Variants in JMY observed in about 807,000 individuals in gnomAD.
JMY encodes junction mediating and regulatory protein, p53 cofactor.
A neutral mutation model predicts 103.3 loss-of-function variants in JMY; 46 were observed. That is an observed-to-expected ratio of 0.45 (90% CI 0.35 to 0.57). JMY has a LOEUF of 0.57. JMY is among the 20% of genes least tolerant of loss of function. The pLI is 0.00. For synonymous variants in JMY, 526 were observed against 489.3 expected, an observed-to-expected ratio of 1.07 and a Z score of -0.99; for missense variants, 1,238 against 1,255.2, an observed-to-expected ratio of 0.99 and a Z score of 0.21.
rs1232000357 is a variant in JMY at position 79,325,102 on chromosome 5, C to A, written c.*3500C>A. The A allele has an allele frequency of 6.6e-6, 1 of 152,546 alleles. No individual in the cohort carries two copies. Among genetic ancestry groups the A allele is most frequent in the Non-Finnish European group, 1.5e-5 (1 of 68,024 alleles). 9.4% of individuals were successfully genotyped at this position (152,546 alleles called of 1,614,324 possible). A position where few individuals can be genotyped will look rare whatever the true frequency, so the allele number is the denominator to read the frequency against. ...CTCTGTTTGGAATGGGATCAGTATA[C>A]AATTAATACAATTTAATTTTACACA... On this transcript the variant is annotated 3_prime_UTR_variant, in exon 11 of 11. Coordinates refer to ENST00000396137, the MANE Select transcript of JMY (RefSeq NM_152405.5).
At chr5:79,307,083 AT>A (rs1746908003) in intron 7 of JMY, among the ~76,000 whole-genome samples, 1 of 152,202 alleles carries the variant, frequency 6.6e-6, no homozygotes, top group Non-Finnish European at 1.5e-5. Context: ...TCATGGCTTG[AT>A]AGCTCATTTT....
chr5:79,298,906 GCTGACAGGTTTTACCAACC>G (rs1746644759), intron 4 of JMY, among the ~76,000 whole-genome samples: 1 of 152,098 alleles, frequency 6.6e-6, no homozygotes, highest in Non-Finnish European at 1.5e-5. Context: ...CTTTTTATGT[GCTGACAGGTTTTACCAACC>G]TCGCCAGACA....
intron 6 of JMY, among the ~76,000 whole-genome samples, chr5:79,302,830 C>T (rs1020807425): frequency 6.6e-6 from 1 of 152,164 alleles, no homozygotes; most frequent in Non-Finnish European, 1.5e-5. Context: ...CATTATCCTC[C>T]ACCTCAATAA....
Position 79,322,382 on chromosome 5 carries a change from T to C in JMY, c.*780T>C, listed in dbSNP as rs1190189524. 1.3e-5 allele frequency: 2 copies of C among 152,254 alleles called. No homozygotes were observed. Among genetic ancestry groups the C allele is most frequent in the African/African-American group, 4.8e-5 (2 of 41,470 alleles). 9.4% of individuals were successfully genotyped at this position (152,254 alleles called of 1,614,324 possible). A position where few individuals can be genotyped will look rare whatever the true frequency, so the allele number is the denominator to read the frequency against. ...TTGTTTATGGAAGGCAGTACTTTGA[T>C]AATATTTCAAATTATTTTTATTTTG... On this transcript the variant is annotated 3_prime_UTR_variant, in exon 11 of 11. Transcript: ENST00000396137.
At chr5:79,250,412 C>G (rs767295619) in intron 1 of JMY, among the ~76,000 whole-genome samples, 1 of 152,132 alleles carries the variant, frequency 6.6e-6, no homozygotes, top group East Asian at 1.9e-4. Context: ...TTTTTCTTGT[C>G]AATTTTATTG....
At chr5:79,311,472 C>T (rs1747046974) in intron 7 of JMY, among the ~76,000 whole-genome samples, 1 of 152,068 alleles carries the variant, frequency 6.6e-6, no homozygotes, top group South Asian at 2.1e-4. Flanking sequence ...GGGGTTGGAT[C>T]TGAAAAGGAC....
chr5:79,284,261 C>G (rs1167866722), intron 2 of JMY: 1 of 1,508,078 alleles, frequency 6.6e-7, no homozygotes. Context: ...CCAATTCAAA[C>G]TTGGGCTTCT....
intron 7 of JMY, 57 bp from the exon 8 acceptor site, chr5:79,312,346 T>C: frequency 9.5e-7 from 1 of 1,049,334 alleles, no homozygotes; most frequent in Non-Finnish European, 1.4e-6. Context: ...TCTTTTTTCC[T>C]ATTAATGATA....
intron 10 of JMY, among the ~76,000 whole-genome samples, chr5:79,320,475 A>C (rs1435709707): frequency 1.3e-5 from 2 of 151,688 alleles, no homozygotes; most frequent in Non-Finnish European, 2.9e-5. Context: ...ATGCCCAGCT[A>C]ATTTTTTTGA....
intron 1 of JMY, among the ~76,000 whole-genome samples, chr5:79,246,786 G>A (rs762331070): frequency 1.3e-5 from 2 of 152,032 alleles, no homozygotes; most frequent in African/African-American, 4.8e-5. Flanking sequence ...GGAGGCTGAG[G>A]CAGGAGAATC....
At chr5:79,284,517 G>A (rs1368175848) in intron 2 of JMY, 26 of 1,586,152 alleles carry the variant, frequency 1.6e-5, no homozygotes, top group Non-Finnish European at 2.1e-5. Flanking sequence ...CAGAACAGAC[G>A]AAGCAAGTAA....
At chr5:79,314,937 A>C in intron 9 of JMY, 86 bp downstream of exon 9, 4 of 1,238,678 alleles carry the variant, frequency 3.2e-6, no homozygotes, top group Non-Finnish European at 4.4e-6. Context: ...CAAAGCTTAA[A>C]ACACTTTATT....
At chr5:79,279,928 C>G (rs1344213821) in intron 2 of JMY, among the ~76,000 whole-genome samples, 1 of 152,060 alleles carries the variant, frequency 6.6e-6, no homozygotes, top group African/African-American at 2.4e-5. Context: ...ACTGCAGTCT[C>G]GATGTCCTGG....
chr5:79,272,477 G>A (rs1745813725), intron 1 of JMY, among the ~76,000 whole-genome samples: 1 of 151,820 alleles, frequency 6.6e-6, no homozygotes, highest in Admixed American at 6.6e-5. Context: ...AAAATAGCGT[G>A]TAGTTTTTAC....
At chr5:79,273,623 CTTCAG>C (rs1379383234) in intron 1 of JMY, among the ~76,000 whole-genome samples, 1 of 152,062 alleles carries the variant, frequency 6.6e-6, no homozygotes, top group Admixed American at 6.6e-5. Context: ...TCCTCTGGAA[CTTCAG>C]TTCAATATAT....
chr5:79,318,804 G>A (rs4312863), intron 10 of JMY, among the ~76,000 whole-genome samples: 1,090 of 15,236 alleles, frequency 0.072, 12 homozygotes, highest in African/African-American at 0.15. Flanking sequence ...AGAGAGAGAG[G>A]GATGCATATC....
chr5:79,295,474 A>G (rs1397498872), intron 4 of JMY, among the ~76,000 whole-genome samples: 2 of 152,240 alleles, frequency 1.3e-5, no homozygotes, highest in African/African-American at 2.4e-5. Flanking sequence ...AGCATTTGCT[A>G]TAGCACTTGA....
At chr5:79,290,572 C>G (rs1463253510) in intron 3 of JMY, among the ~76,000 whole-genome samples, 1 of 152,008 alleles carries the variant, frequency 6.6e-6, no homozygotes, top group African/African-American at 2.4e-5. Flanking sequence ...GTTAATAACA[C>G]CGGACATGTG....
chr5:79,316,748 A>G (rs1330392935), intron 10 of JMY, among the ~76,000 whole-genome samples: 1 of 151,946 alleles, frequency 6.6e-6, no homozygotes, highest in East Asian at 1.9e-4. Context: ...TCTACTAAAA[A>G]TATAAAAATT....
Sources: allele counts gnomAD v4.1 joint callset (sites outside exome capture counted in the v4.1 genomes callset), GRCh38; gene constraint gnomAD v4.1.1; transcripts MANE v1.5; gene names NCBI Gene and HGNC (gene_info 2026-07-23, HGNC 2026-07-21).